Variants in NAF1 observed in about 807,000 individuals in gnomAD.
NAF1 encodes the protein nuclear assembly factor 1 ribonucleoprotein.
A neutral mutation model predicts 40.6 loss-of-function variants in NAF1; 11 were observed. The ratio of observed to expected loss-of-function variants is 0.27; its 90% CI spans 0.17 to 0.45. NAF1 has a LOEUF of 0.45. Ranked by LOEUF, NAF1 falls within the 20% of genes least tolerant of loss-of-function variation. The pLI is 1.00. For missense variants in NAF1, 607 were observed against 611.1 expected, an observed-to-expected ratio of 0.99 and a Z score of 0.07; for synonymous variants, 260 against 228.5, an observed-to-expected ratio of 1.14 and a Z score of -1.24.
intron 5 of NAF1, among the ~76,000 whole-genome samples, chr4:163,138,263 T>A (rs1731131933): frequency 6.6e-6 from 1 of 152,134 alleles, no homozygotes; most frequent in African/African-American, 2.4e-5. Context: ...CCATTATCAA[T>A]GGCTTTTCCA....
intron 2 of NAF1, among the ~76,000 whole-genome samples, chr4:163,163,684 A>G (rs1732323392): frequency 6.6e-6 from 1 of 152,116 alleles, no homozygotes; most frequent in Non-Finnish European, 1.5e-5. Flanking sequence ...TCTACAATTA[A>G]CAAGTTTTCT....
chr4:163,145,468 G>C (rs1275404480), intron 4 of NAF1, among the ~76,000 whole-genome samples: 1 of 152,192 alleles, frequency 6.6e-6, no homozygotes, highest in Non-Finnish European at 1.5e-5. Context: ...ACTCAGCTGA[G>C]TATCTGGACG....
At chr4:163,117,680 T>TACACACACAC (rs55869899) in intron 2 of NAF1, among the ~76,000 whole-genome samples, 12,326 of 134,736 alleles carry the variant, frequency 0.091, 798 homozygotes, top group African/African-American at 0.15. Flanking sequence ...CTGGAAGCAA[T>TACACACACAC]ACACACACAC....
At chr4:163,149,143 A>T (rs1007138695) in intron 2 of NAF1, among the ~76,000 whole-genome samples, 2 of 152,224 alleles carry the variant, frequency 1.3e-5, no homozygotes, top group Non-Finnish European at 1.5e-5. Context: ...ATTGAAGTAC[A>T]GATGAATCTG....
chr4:163,118,232 C>T (rs929284955), intron 2 of NAF1, among the ~76,000 whole-genome samples: 1 of 152,126 alleles, frequency 6.6e-6, no homozygotes, highest in Non-Finnish European at 1.5e-5. Flanking sequence ...AATCAGAAAG[C>T]GGTATCTAGA....
At chr4:163,149,167 G>A (rs775146039) in intron 2 of NAF1, among the ~76,000 whole-genome samples, 2 of 152,144 alleles carry the variant, frequency 1.3e-5, no homozygotes, top group Non-Finnish European at 2.9e-5. Context: ...AGAAATCTAA[G>A]AATAAATCTG....
At chr4:163,117,417 GCTCT>G (rs911272847) in intron 2 of NAF1, 2 of 151,988 alleles carry the variant, frequency 1.3e-5, no homozygotes, top group Admixed American at 6.6e-5. Context: ...AATTTCAATG[GCTCT>G]CTAATTTCAC....
chr4:163,164,773 A>C (rs17471663), intron 1 of NAF1, among the ~76,000 whole-genome samples: 5,652 of 152,276 alleles, frequency 0.037, 166 homozygotes, highest in Middle Eastern at 0.054. Flanking sequence ...TCTTAGTCAC[A>C]ACCACCAGAT....
At chr4:163,144,377 T>A (rs1444550793) in intron 4 of NAF1, among the ~76,000 whole-genome samples, 3 of 152,168 alleles carry the variant, frequency 2.0e-5, no homozygotes, top group African/African-American at 4.8e-5. Context: ...CTTAAAAAGA[T>A]AACATAAATA....
chr4:163,166,767 C>G lies in NAF1; in HGVS notation c.-40G>C, dbSNP rs1362154081. The G allele has an allele frequency of 2.1e-5, 33 of 1,609,278 alleles. No homozygotes were observed. The highest frequency in any genetic ancestry group is 2.8e-5 in the Non-Finnish European group (33 of 1,178,332). The stretch of plus-strand genomic sequence containing the variant: ...AACCGGGTCGGCCTCAGGATTGGGG[C>G]CCCTGGACAAGCTCACGGCTCTCTC... On this transcript the variant is annotated 5_prime_UTR_variant, in exon 1 of 8. Transcript: ENST00000274054.
chr4:163,144,119 C>A, intron 4 of NAF1: 1 of 583,266 alleles, frequency 1.7e-6, no homozygotes. Flanking sequence ...TTCCTACCCA[C>A]TGATATATGA....
chr4:163,104,380 T>C, the NAF1 span, among the ~76,000 whole-genome samples: 1 of 152,186 alleles, frequency 6.6e-6, no homozygotes, highest in African/African-American at 2.4e-5. Context: ...TACTTCGCAA[T>C]TCATAAAAAT....
Position 163,166,750 on chromosome 4 carries a change from C to T in NAF1, c.-23G>A, listed in dbSNP as rs566536559. 1 of 1,612,458 alleles carries T rather than the reference C, an allele frequency of 6.2e-7. No individual in the cohort carries two copies. The highest frequency in any genetic ancestry group is 1.7e-5 in the Admixed American group (1 of 59,902). ...CATCGCACCGCGCCAGAAACCGGGT[C>T]GGCCTCAGGATTGGGGCCCCTGGAC... On this transcript the variant is annotated 5_prime_UTR_variant, in exon 1 of 8. Coordinates refer to ENST00000274054, the MANE Select transcript of NAF1 (RefSeq NM_138386.3).
chr4:163,166,494 G>A lies in NAF1; in HGVS notation c.234C>T (p.Thr78=). ...QPVLNAVAAG[T]PAPQPQPPAE... is the part of the protein sequence containing the mutation. ...CCGGTGGCTGTGGCTGCGGCGCCGG[G>A]GTCCCGGCCGCGACGGCGTTCAGAA... The change falls in exon 1 of 8, where the codon ACC becomes ACT. Residue 78 remains threonine (T), a synonymous_variant. Coordinates refer to ENST00000274054, the MANE Select transcript of NAF1 (RefSeq NM_138386.3). 2 of 1,598,964 alleles carry A rather than the reference G, an allele frequency of 1.3e-6. No individual in the cohort carries two copies. Among genetic ancestry groups the A allele is most frequent in the African/African-American group, 1.3e-5 (1 of 74,714 alleles).
intron 2 of NAF1, among the ~76,000 whole-genome samples, chr4:163,113,734 C>A (rs543457727): frequency 9.2e-5 from 14 of 152,302 alleles, no homozygotes; most frequent in African/African-American, 3.4e-4. Flanking sequence ...TAGTAGAAAT[C>A]AAATCAATGC....
At chr4:163,131,921 T>C (rs190432454) in intron 7 of NAF1, among the ~76,000 whole-genome samples, 25 of 152,322 alleles carry the variant, frequency 1.6e-4, no homozygotes, top group Admixed American at 2.6e-4. Flanking sequence ...TGAACTGACA[T>C]ATCACTGAAG....
Position 163,151,263 on chromosome 4 carries a change from G to A in NAF1, c.541-2829C>T, listed in dbSNP as rs562976255. Among the ~76,000 whole-genome samples the A allele has an allele frequency of 8.6e-5, 13 of 151,730 alleles. No individual in the cohort carries two copies. The South Asian group carries it at 2.7e-3, about 32-fold the overall frequency. Reference sequence around the variant, plus strand: ...AGCATTTTAATTTTTATGTAGTCAAGTATATATACATATTTGGCTTTTGAA... The same window carrying A: ...AGCATTTTAATTTTTATGTAGTCAAATATATATACATATTTGGCTTTTGAA... On this transcript the variant is annotated intron_variant, in intron 2 of 7. Transcript: ENST00000274054.
downstream of NAF1, among the ~76,000 whole-genome samples, chr4:163,123,621 A>C (rs1470374008): frequency 1.3e-5 from 2 of 152,094 alleles, no homozygotes; most frequent in African/African-American, 4.8e-5. Context: ...GGGCTCTAGC[A>C]ATCCTCCTGC....
chr4:163,166,314 C>T, intron 1 of NAF1, 49 bp downstream of exon 1: 5 of 1,517,638 alleles, frequency 3.3e-6, no homozygotes, highest in Non-Finnish European at 3.5e-6. Flanking sequence ...CACCCCCGCC[C>T]GTCATACAAG....
Sources: allele counts gnomAD v4.1 joint callset (sites outside exome capture counted in the v4.1 genomes callset), GRCh38; gene constraint gnomAD v4.1.1; transcripts MANE v1.5; gene names NCBI Gene and HGNC (gene_info 2026-07-23, HGNC 2026-07-21).